The following ABRA variants were observed in gnomAD, a reference collection of about 807,000 sequenced individuals.
The protein encoded by ABRA is actin binding Rho activating protein.
Under a neutral mutation model 33.4 loss-of-function variants are expected in ABRA, and 25 were observed. The ratio of observed to expected loss-of-function variants is 0.75; its 90% CI spans 0.55 to 1.04. The LOEUF is 1.04. Among genes scored for constraint, ABRA ranks in the 50% least tolerant of loss-of-function variants. ABRA has a pLI of 0.00. For missense variants in ABRA, 501 were observed against 491.7 expected (o/e 1.02, Z -0.18); for synonymous variants, 193 against 176.8 (o/e 1.09, Z -0.73).
intron 1 of ABRA, among the ~76,000 whole-genome samples, chr8:106,763,688 C>T (rs1836168674): frequency 6.6e-6 from 1 of 152,188 alleles, no homozygotes; most frequent in Non-Finnish European, 1.5e-5. Context: ...AAGCCCAAGG[C>T]CATCCTAGCA....
Position 106,760,394 on chromosome 8 carries a change from C to A in ABRA, c.*643G>T, listed in dbSNP as rs1836117885. ...AACAATTTCAGCAACATCTTGACAA[C>A]TTTTTATATATGTGCTTGTTTTGTA... On this transcript the variant is annotated 3_prime_UTR_variant, in exon 2 of 2. Transcript: ENST00000311955. 2 of 152,154 alleles carry A rather than the reference C, an allele frequency of 1.3e-5. No homozygotes were observed. The highest frequency in any genetic ancestry group is 2.9e-5 in the Non-Finnish European group (2 of 68,022). The allele number at this position is 152,154 out of a possible 1,614,324, so 9.4% of individuals were successfully genotyped here.
chr8:106,770,020 C>T lies in ABRA; in HGVS notation c.171G>A (p.Gln57=). Residue 57 remains glutamine (Q), a synonymous_variant, in exon 1 of 2, where the codon CAG becomes CAA. Transcript: ENST00000311955. ...TTGGTTTAGGAGCTTGAGGTGAGTC[C>T]TGGGTCCCTCCCGGCAGCCAGCCTG... ...EPTGWLPGGT[Q]DSPQAPKPIT... 3 of 1,613,906 alleles carry T rather than the reference C, an allele frequency of 1.9e-6. No homozygotes were observed. The highest frequency in any genetic ancestry group is 2.5e-6 in the Non-Finnish European group (3 of 1,179,972).
Position 106,761,128 on chromosome 8 carries a change from A to T in ABRA, c.1055T>A (p.Met352Lys). 1 of 1,614,230 alleles carries T rather than the reference A, an allele frequency of 6.2e-7. No homozygotes were observed. The highest frequency in any genetic ancestry group is 8.5e-7 in the Non-Finnish European group (1 of 1,180,032). Residue 352 changes from methionine to lysine, a missense_variant, in exon 2 of 2, where the codon ATG becomes AAG. By Grantham distance (95) the Met-to-Lys change is moderately conservative. Transcript: ENST00000311955. ...TACCAGTCCATGTTTCCTGGCACGC[A>T]TGAGAATGCCCACTACTTTATCTGA... ...RISDKVVGILMRARKHGLVDF... is the reference protein window; with the variant it reads ...RISDKVVGILKRARKHGLVDF...
rs1213516477 is a variant in ABRA, at chr8:106,760,521, GAC to G, written c.*514_*515del. On this transcript the variant is annotated 3_prime_UTR_variant, in exon 2 of 2. Transcript: ENST00000311955. ...TGGTATTTTCTTTTTTCCAAATAAA[GAC>G]ACATTATTATATGTTCTACTGATAT... The G allele has an allele frequency of 4.6e-5, 7 of 151,726 alleles. No homozygotes were observed. The highest frequency in any genetic ancestry group is 1.7e-4 in the African/African-American group (7 of 41,074). The allele number at this position is 151,726 out of a possible 1,614,324, so 9.4% of individuals were successfully genotyped here.
intron 1 of ABRA, among the ~76,000 whole-genome samples, chr8:106,764,965 T>A (rs1040650632): frequency 4.6e-5 from 7 of 151,426 alleles, no homozygotes; most frequent in African/African-American, 7.3e-5. Context: ...TACACTGAAT[T>A]TTTTTTTTGG....
intron 1 of ABRA, among the ~76,000 whole-genome samples, chr8:106,763,589 A>T (rs998065154): frequency 6.6e-6 from 1 of 152,170 alleles, no homozygotes; most frequent in African/African-American, 2.4e-5. Context: ...CAATCTCATT[A>T]TCAAAAGAGA....
chr8:106,765,084 C>T (rs1031435090), intron 1 of ABRA, among the ~76,000 whole-genome samples: 3 of 152,048 alleles, frequency 2.0e-5, no homozygotes, highest in African/African-American at 4.8e-5. Context: ...GATAACCTAG[C>T]GTAAATTGAA....
chr8:106,760,924 A>T lies in ABRA; in HGVS notation c.*113T>A. 1.0e-6 allele frequency: 1 copy of T among 1,000,514 alleles called. No individual in the cohort carries two copies. Among genetic ancestry groups the T allele is most frequent in the South Asian group, 1.6e-5 (1 of 61,466 alleles). The allele number at this position is 1,000,514 out of a possible 1,614,324, so 62.0% of individuals were successfully genotyped here. A position where few individuals can be genotyped will look rare whatever the true frequency, so the allele number is the denominator to read the frequency against. ...AATGCCAGAAAGTCGTTTATGTAAA[A>T]ATTGTTTAATATTTACTAACTTATT... On this transcript the variant is annotated 3_prime_UTR_variant, in exon 2 of 2. Transcript: ENST00000311955.
At chr8:106,762,802 C>T (rs59316573) in intron 1 of ABRA, among the ~76,000 whole-genome samples, 20,692 of 152,162 alleles carry the variant, frequency 0.14, 1,737 homozygotes, top group East Asian at 0.35. Flanking sequence ...CTATCCTGCA[C>T]GTGTATCCCA....
Position 106,765,931 on chromosome 8 carries a change from A to G in ABRA, c.668+3592T>C, listed in dbSNP as rs569552640. Among the ~76,000 whole-genome samples the G allele has an allele frequency of 1.1e-4, 17 of 152,312 alleles. No individual in the cohort carries two copies. In the South Asian group the frequency reaches 3.3e-3, roughly 30 times the overall value. ...TTAAGTCTGTTCTCTACTAAGAGGG[A>G]CAGTCTAGCATAGTGGTTAAGAACA... On this transcript the variant is annotated intron_variant, in intron 1 of 1. Transcript: ENST00000311955.
rs1836126816 is a variant in ABRA, at chr8:106,760,974, A to C, written c.*63T>G. 9.9e-6 allele frequency: 14 copies of C among 1,407,804 alleles called. No individual in the cohort carries two copies. The highest frequency in any genetic ancestry group is 1.3e-5 in the South Asian group (1 of 76,418). 87.2% of individuals were successfully genotyped at this position (1,407,804 alleles called of 1,614,324 possible). On this transcript the variant is annotated 3_prime_UTR_variant, in exon 2 of 2. Coordinates refer to ENST00000311955, the MANE Select transcript of ABRA (RefSeq NM_139166.5). Reference sequence around the variant, plus strand: ...TACAGAGAGTTTGCATTTTCATTTTACCTACATGAGCATTTAGCATTAAGA... The same window carrying C: ...TACAGAGAGTTTGCATTTTCATTTTCCCTACATGAGCATTTAGCATTAAGA...
At chr8:106,765,571 A>C (rs913998766) in intron 1 of ABRA, among the ~76,000 whole-genome samples, 1 of 151,690 alleles carries the variant, frequency 6.6e-6, no homozygotes, top group Non-Finnish European at 1.5e-5. Context: ...AGCCCATTTG[A>C]TTACTGAGAG....
chr8:106,770,155 T>C lies in ABRA; in HGVS notation c.36A>G (p.Pro12=). ...APGEKESGEG[P]AKSALRKIRT... ...GTATCTTCCGGAGGGCGCTCTTGGC[T>C]GGGCCCTCCCCGCTTTCCTTTTCGC... Residue 12 remains proline, a synonymous_variant, in exon 1 of 2, where the codon CCA becomes CCG. Transcript: ENST00000311955. 1 of 1,612,526 alleles carries C rather than the reference T, an allele frequency of 6.2e-7. No individual in the cohort carries two copies. The highest frequency in any genetic ancestry group is 8.5e-7 in the Non-Finnish European group (1 of 1,179,742).
chr8:106,767,517 C>T (rs971624179), intron 1 of ABRA, among the ~76,000 whole-genome samples: 2 of 152,192 alleles, frequency 1.3e-5, no homozygotes, highest in African/African-American at 4.8e-5. Flanking sequence ...AGGTTGGAAC[C>T]ATGTCTGGTT....
At chr8:106,768,094 CAAAA>C (rs397957500) in intron 1 of ABRA, among the ~76,000 whole-genome samples, 1 of 106,636 alleles carries the variant, frequency 9.4e-6, no homozygotes, top group Non-Finnish European at 2.0e-5. Flanking sequence ...GACTTCATCT[CAAAA>C]AAAAAAAAAA....
At chr8:106,764,981 A>C (rs1203729741) in intron 1 of ABRA, among the ~76,000 whole-genome samples, 1 of 152,140 alleles carries the variant, frequency 6.6e-6, no homozygotes, top group East Asian at 1.9e-4. Flanking sequence ...TTTGGTCGTA[A>C]GTACTATAAA....
intron 1 of ABRA, among the ~76,000 whole-genome samples, chr8:106,766,956 A>G (rs1836231969): frequency 6.6e-6 from 1 of 152,190 alleles, no homozygotes; most frequent in African/African-American, 2.4e-5. Context: ...TCAACACATT[A>G]AGAAGGTGCC....
rs1383310404 is a variant in ABRA, at chr8:106,761,217, G to A, written c.966C>T (p.Arg322=). Residue 322 remains arginine, a synonymous_variant, in exon 2 of 2, where the codon CGC becomes CGT. Transcript: ENST00000311955. ...CCTGGATCTTGCCATCTCGTCTGTGGCGAGCCATTGTGCAGATAATGAAGC... is the reference window on the plus strand; with the variant it reads ...CCTGGATCTTGCCATCTCGTCTGTGACGAGCCATTGTGCAGATAATGAAGC... ...DMCFIICTMA[R]HRRDGKIQVT... 3.7e-6 allele frequency: 6 copies of A among 1,614,078 alleles called. No homozygotes were observed. The East Asian group carries it at 6.7e-5, about 18-fold the overall frequency.
intron 1 of ABRA, among the ~76,000 whole-genome samples, chr8:106,762,442 T>G (rs898419322): frequency 6.6e-6 from 1 of 152,220 alleles, no homozygotes; most frequent in Non-Finnish European, 1.5e-5. Flanking sequence ...GTTTTAAATG[T>G]GTATATCTTT....
Sources: gnomAD v4.1 joint callset for allele counts (sites outside exome capture counted in the v4.1 genomes callset) on GRCh38, gnomAD v4.1.1 for gene constraint, MANE v1.5 for transcripts, NCBI Gene and HGNC (gene_info 2026-07-23, HGNC 2026-07-21) for gene names.